STK32C: variants seen among roughly 807,000 people sequenced by gnomAD.
STK32C encodes serine/threonine kinase 32C, also known as serine/threonine-protein kinase 32C.
A neutral mutation model predicts 56.5 loss-of-function variants in STK32C; 31 were observed. That is an observed-to-expected ratio of 0.55 (90% CI 0.41 to 0.74). STK32C has a LOEUF of 0.74. Among genes scored for constraint, STK32C ranks in the 30% least tolerant of loss-of-function variants. STK32C has a pLI of 0.00. For missense variants in STK32C, 544 were observed against 676.9 expected (o/e 0.80, Z 2.18); for synonymous variants, 309 against 289.4 (o/e 1.07, Z -0.69).
intron 1 of STK32C, chr10:132,330,355 T>A: frequency 1.5e-6 from 1 of 685,706 alleles, no homozygotes; most frequent in South Asian, 1.5e-5. Flanking sequence ...AGAAATAGCA[T>A]CGTGCTGAAA....
At position 132,219,303 on chromosome 10, in the gene STK32C, G is replaced by T. The variant is rs200409428; in HGVS notation, c.1251+3338C>A. Among the ~76,000 whole-genome samples the T allele has an allele frequency of 9.2e-5, 14 of 151,988 alleles. No individual in the cohort carries two copies. In the East Asian group the frequency reaches 2.7e-3, roughly 29 times the overall value. On this transcript the variant is annotated intron_variant, in intron 10 of 11. Coordinates refer to ENST00000298630, the MANE Select transcript of STK32C (RefSeq NM_173575.4). ...TTTTTGGAGTGATGCTTTCCTTTCA[G>T]AACACCTCCTACCCTCAAGCCAAAA...
At chr10:132,251,799 G>C (rs3902241) in intron 1 of STK32C, among the ~76,000 whole-genome samples, 1 of 66,334 alleles carries the variant, frequency 1.5e-5, no homozygotes, top group South Asian at 4.8e-4. Flanking sequence ...AATGCCCTAC[G>C]CCTCCTGGGG....
chr10:132,316,761 GAT>G (rs2066317785), intron 1 of STK32C, among the ~76,000 whole-genome samples: 1 of 152,142 alleles, frequency 6.6e-6, no homozygotes, highest in African/African-American at 2.4e-5. Flanking sequence ...AGAATCTAAA[GAT>G]ACTTAAAAGA....
chr10:132,225,262 C>G lies in STK32C; in HGVS notation c.847G>C (p.Val283Leu). Residue 283 changes from valine to leucine, a missense_variant, in exon 7 of 12, where the codon GTG becomes CTG. Physicochemically the swap from Val to Leu is conservative, Grantham distance 32. Around this residue, in one of 3 missense-constraint regions of STK32C, gnomAD observed 277 missense variants for 309.3 expected, o/e 0.90. Coordinates refer to ENST00000298630, the MANE Select transcript of STK32C (RefSeq NM_173575.4). ...CCTCGCAGCAGCTCATAGGCCATCA[C>G]CCCCACCGACCACCAGTCCACCTCG... ...SFEVDWWSVG[V>L]MAYELLRGWR... 1 of 1,611,652 alleles carries G rather than the reference C, an allele frequency of 6.2e-7. No homozygotes were observed.
chr10:132,227,594 T>C (rs977024907), intron 3 of STK32C, among the ~76,000 whole-genome samples: 3 of 147,640 alleles, frequency 2.0e-5, no homozygotes, highest in Admixed American at 6.9e-5. Flanking sequence ...GCAGTGGTGA[T>C]GGTGGTGGTG....
chr10:132,273,366 G>A (rs1031528486), intron 1 of STK32C, among the ~76,000 whole-genome samples: 1 of 152,172 alleles, frequency 6.6e-6, no homozygotes, highest in South Asian at 2.1e-4. Context: ...GGCTCAGGGA[G>A]ATATCACTGC....
intron 1 of STK32C, among the ~76,000 whole-genome samples, chr10:132,280,240 A>ACCGTGACCACGCCCCTGCACC (rs1366561583): frequency 1.6e-5 from 1 of 64,508 alleles, no homozygotes; most frequent in Non-Finnish European, 3.0e-5. Flanking sequence ...AGGCCTCCAC[A>ACCGTGACCACGCCCCTGCACC]CCGTGACCAC....
upstream of STK32C, among the ~76,000 whole-genome samples, chr10:132,311,588 A>G (rs1176836391): frequency 6.6e-6 from 1 of 152,226 alleles, no homozygotes; most frequent in Non-Finnish European, 1.5e-5. This position sits in a 1 kb window ranked among gnomAD's most constrained non-coding sequence, Gnocchi z 4.4. Context: ...GAGAACATGC[A>G]GGACGGGCTG....
At chr10:132,292,822 T>A (rs1367749316) in intron 1 of STK32C, among the ~76,000 whole-genome samples, 1 of 151,846 alleles carries the variant, frequency 6.6e-6, no homozygotes, top group Non-Finnish European at 1.5e-5. Flanking sequence ...AGGGAGGGCA[T>A]CAGATTGCCA....
chr10:132,275,948 C>T (rs981607456), intron 1 of STK32C, among the ~76,000 whole-genome samples: 2 of 152,164 alleles, frequency 1.3e-5, no homozygotes, highest in Admixed American at 1.3e-4. Context: ...CCCCCCACCC[C>T]GCAAGTGGTG....
At chr10:132,308,587 C>T (rs1370172567), upstream of STK32C, among the ~76,000 whole-genome samples, 1 of 118,964 alleles carries the variant, frequency 8.4e-6, no homozygotes, top group African/African-American at 3.2e-5. Flanking sequence ...TGGGGCAGGG[C>T]GGGCCTGGCT....
At chr10:132,292,917 A>G (rs1477370071) in intron 1 of STK32C, among the ~76,000 whole-genome samples, 1 of 85,382 alleles carries the variant, frequency 1.2e-5, no homozygotes, top group Non-Finnish European at 2.7e-5. Flanking sequence ...TCCCTTCCCC[A>G]TGCAGACGTC....
intron 2 of STK32C, among the ~76,000 whole-genome samples, chr10:132,244,695 A>G (rs74356420): frequency 0.044 from 6,757 of 152,236 alleles, 263 homozygotes; most frequent in African/African-American, 0.1. Flanking sequence ...GAACCTGGTC[A>G]CAGCTGCCGT....
downstream of STK32C, among the ~76,000 whole-genome samples, chr10:132,321,170 C>T (rs916141713): frequency 1.3e-5 from 2 of 152,142 alleles, no homozygotes; most frequent in Non-Finnish European, 2.9e-5. Context: ...CCACAGCTAC[C>T]GTCTTGCACC....
At chr10:132,243,725 C>G (rs1244197140) in intron 2 of STK32C, among the ~76,000 whole-genome samples, 2 of 152,200 alleles carry the variant, frequency 1.3e-5, no homozygotes, top group Non-Finnish European at 2.9e-5. Flanking sequence ...GCGGCGGCCC[C>G]GAGGGTGGAG....
At chr10:132,269,945 C>T (rs560265020) in intron 1 of STK32C, among the ~76,000 whole-genome samples, 1 of 152,262 alleles carries the variant, frequency 6.6e-6, no homozygotes, top group African/African-American at 2.4e-5. Flanking sequence ...AGCCAGGCCC[C>T]CTGTCCTCCA....
chr10:132,302,069 T>C (rs936128097), intron 1 of STK32C, among the ~76,000 whole-genome samples: 7 of 152,052 alleles, frequency 4.6e-5, no homozygotes, highest in African/African-American at 1.7e-4. Context: ...AAGTCCTGGG[T>C]GACTGGGGGT....
intron 10 of STK32C, among the ~76,000 whole-genome samples, chr10:132,218,372 G>T (rs2818405): frequency 0.075 from 11,363 of 151,896 alleles, 521 homozygotes; most frequent in Middle Eastern, 0.15. Context: ...TGTCAGAGTA[G>T]ACTAAAAAAA....
At chr10:132,289,518 C>G in intron 1 of STK32C, among the ~76,000 whole-genome samples, 1 of 152,236 alleles carries the variant, frequency 6.6e-6, no homozygotes, top group Admixed American at 6.5e-5. Flanking sequence ...ACACAAATGA[C>G]TGTCTCAGTC....
Sources: gnomAD v4.1 joint callset for allele counts (sites outside exome capture counted in the v4.1 genomes callset) on GRCh38, gnomAD v4.1.1 for gene constraint, gnomAD v4.1.1 regional missense constraint, Gnocchi (gnomAD v3.1) non-coding constraint, MANE v1.5 for transcripts, NCBI Gene and HGNC (gene_info 2026-07-23, HGNC 2026-07-21) for gene names.